The following LRIT3 variants were observed in gnomAD, a reference collection of about 807,000 sequenced individuals.
LRIT3 encodes the protein leucine-rich repeat, immunoglobulin-like domain and transmembrane domain-containing protein 3.
LRIT3 carries 14 observed loss-of-function variants against 22.6 expected under a neutral mutation model. That is an observed-to-expected ratio of 0.62 (90% CI 0.41 to 0.97). The LOEUF (loss-of-function observed/expected upper bound fraction) is 0.97. Ranked by LOEUF, LRIT3 falls within the 50% of genes least tolerant of loss-of-function variation. The pLI is 0.00. For synonymous variants in LRIT3, 306 were observed against 304.5 expected (o/e 1.01, Z -0.05); for missense variants, 783 against 803.0 (o/e 0.98, Z 0.30).
chr4:109,850,422 C>CT lies in LRIT3; in HGVS notation c.117-1082_117-1081insT, dbSNP rs1553922077. ...TCCTTCCTTCCTTCCTTCCTTCCTT[C>CT]CTTTCTTTCTTTCTTTCTTTCTTTC... is the stretch of plus-strand genomic sequence containing the variant. On this transcript the variant is annotated intron_variant, in intron 1 of 3. Coordinates refer to ENST00000594814, the MANE Select transcript of LRIT3 (RefSeq NM_198506.5). Among the ~76,000 whole-genome samples, 26 of 55,110 alleles carry CT rather than the reference C, an allele frequency of 4.7e-4. 1 individual carries two copies. The highest frequency in any genetic ancestry group is 7.3e-4 in the South Asian group (1 of 1,364). 36.2% of individuals were successfully genotyped at this position (55,110 alleles called of 152,430 possible).
At chr4:109,857,859 T>G (rs908764527) in intron 2 of LRIT3, among the ~76,000 whole-genome samples, 5 of 152,224 alleles carry the variant, frequency 3.3e-5, no homozygotes, top group Admixed American at 6.5e-5. Flanking sequence ...ACACAGGTCC[T>G]AAAGGCTTAT....
At chr4:109,854,898 G>A (rs1399372354) in intron 2 of LRIT3, among the ~76,000 whole-genome samples, 1 of 152,140 alleles carries the variant, frequency 6.6e-6, no homozygotes, top group African/African-American at 2.4e-5. Flanking sequence ...TGTTGAACAA[G>A]CGTTGCATCC....
Position 109,851,982 on chromosome 4 carries a change from C to T in LRIT3, c.589+6C>T, listed in dbSNP as rs1304339259. On this transcript the variant is annotated splice_donor_region_variant and intron_variant, in intron 2 of 3. Coordinates refer to ENST00000594814, the MANE Select transcript of LRIT3 (RefSeq NM_198506.5). ...CCCAAGCAGGATTATTCTTGGTAAG[C>T]TCGCAAGCCTCTGGGCTTTTCATCT... The T allele has an allele frequency of 1.3e-6, 2 of 1,527,836 alleles. No individual in the cohort carries two copies. Among genetic ancestry groups the T allele is most frequent in the East Asian group, 2.5e-5 (1 of 40,736 alleles). The allele number at this position is 1,527,836 out of a possible 1,614,324, so 94.6% of individuals were successfully genotyped here.
intron 2 of LRIT3, among the ~76,000 whole-genome samples, chr4:109,857,810 A>G (rs1288045958): frequency 6.6e-6 from 1 of 152,204 alleles, no homozygotes; most frequent in Non-Finnish European, 1.5e-5. Context: ...CAATCCTTCC[A>G]TATTAATTTG....
In LRIT3 at chr4:109,871,013, G is replaced by C. The variant is rs1224281590; in HGVS notation, c.*224G>C. 2.5e-6 allele frequency: 1 copy of C among 399,680 alleles called. No homozygotes were observed. Among genetic ancestry groups the C allele is most frequent in the East Asian group, 3.8e-5 (1 of 26,662 alleles). The allele number at this position is 399,680 out of a possible 1,614,324, so 24.8% of individuals were successfully genotyped here. A position where few individuals can be genotyped will look rare whatever the true frequency, so the allele number is the denominator to read the frequency against. On this transcript the variant is annotated 3_prime_UTR_variant, in exon 4 of 4. Transcript: ENST00000594814. Reference sequence around the variant, plus strand: ...AAAAGGTCTACAGAAATAATTTTTAGAGTGGTGCTTAATAAATTATTAATA... The same window carrying C: ...AAAAGGTCTACAGAAATAATTTTTACAGTGGTGCTTAATAAATTATTAATA...
intron 1 of LRIT3, among the ~76,000 whole-genome samples, chr4:109,851,173 C>T (rs1734245304): frequency 6.6e-6 from 1 of 152,148 alleles, no homozygotes; most frequent in Non-Finnish European, 1.5e-5. Context: ...AGGTTGTTGA[C>T]AGTAGCAGCA....
intron 1 of LRIT3, among the ~76,000 whole-genome samples, chr4:109,850,415 C>CCTCT (rs1734200111): frequency 5.6e-5 from 1 of 17,712 alleles, no homozygotes; most frequent in African/African-American, 2.0e-4. Flanking sequence ...TCCTTCCTTC[C>CCTCT]TTCCTTCCTT....
Position 109,870,873 on chromosome 4 carries a change from G to C in LRIT3, c.*84G>C. ...CCTAGGTTTGGATGACTTTTGGACAGACTTTCACATTGTACATGAAAATCA... is the reference window on the plus strand; with the variant it reads ...CCTAGGTTTGGATGACTTTTGGACACACTTTCACATTGTACATGAAAATCA... On this transcript the variant is annotated 3_prime_UTR_variant, in exon 4 of 4. Transcript: ENST00000594814. 1.5e-6 allele frequency: 2 copies of C among 1,362,462 alleles called. No homozygotes were observed. Among genetic ancestry groups the C allele is most frequent in the Non-Finnish European group, 2.0e-6 (2 of 1,011,226 alleles). The allele number at this position is 1,362,462 out of a possible 1,614,324, so 84.4% of individuals were successfully genotyped here.
rs542235762 is a variant in LRIT3 at position 109,869,670 on chromosome 4, A to T, written c.921A>T (p.Gly307=). 1.1e-5 allele frequency: 17 copies of T among 1,559,986 alleles called. No individual in the cohort carries two copies. The highest frequency in any genetic ancestry group is 1.5e-5 in the Non-Finnish European group (17 of 1,152,662). ...YTVIQESPEE[G]VRWSIMSLTG... Reference sequence around the variant, plus strand: ...TAATACAAGAATCTCCAGAGGAAGGAGTCAGATGGTCCATAATGAGCTTGA... The same window carrying T: ...TAATACAAGAATCTCCAGAGGAAGGTGTCAGATGGTCCATAATGAGCTTGA... The change falls in exon 4 of 4, where the codon GGA becomes GGT. Residue 307 remains glycine, a synonymous_variant. Transcript: ENST00000594814.
intron 1 of LRIT3, among the ~76,000 whole-genome samples, chr4:109,849,565 C>T (rs1026189702): frequency 5.9e-5 from 9 of 152,162 alleles, no homozygotes; most frequent in Admixed American, 3.3e-4. Context: ...GATCTTTTAG[C>T]GTACAAACTA....
intron 3 of LRIT3, among the ~76,000 whole-genome samples, chr4:109,868,478 G>A (rs1190309222): frequency 6.6e-6 from 1 of 150,562 alleles, no homozygotes. Flanking sequence ...GGCTGAGGCA[G>A]GAGAATTGCT....
At chr4:109,864,642 A>G (rs1734634742) in intron 2 of LRIT3, among the ~76,000 whole-genome samples, 1 of 152,226 alleles carries the variant, frequency 6.6e-6, no homozygotes, top group Non-Finnish European at 1.5e-5. Context: ...AGTTCTTTAT[A>G]ATAACATTTA....
intron 2 of LRIT3, chr4:109,865,154 A>G (rs1734645454): frequency 1.4e-6 from 2 of 1,464,048 alleles, no homozygotes; most frequent in African/African-American, 2.8e-5. Context: ...AAGCTCTAGC[A>G]TTTATCTAGT....
chr4:109,848,480 A>T (rs1734130961), intron 1 of LRIT3, among the ~76,000 whole-genome samples, 163 bp downstream of exon 1: 1 of 151,864 alleles, frequency 6.6e-6, no homozygotes, highest in Non-Finnish European at 1.5e-5. Context: ...CTGGTCACCT[A>T]CTCCTTCACT....
rs1279062751 is a variant in LRIT3 at position 109,865,165 on chromosome 4, C to G, written c.590-2476C>G. 6 of 1,455,656 alleles carry G rather than the reference C, an allele frequency of 4.1e-6. No individual in the cohort carries two copies. The Admixed American group carries it at 1.2e-4, about 30-fold the overall frequency. The allele number at this position is 1,455,656 out of a possible 1,614,324, so 90.2% of individuals were successfully genotyped here. ...TAAAAAGCTCTAGCATTTATCTAGT[C>G]AACTCTCCCATTTTGCCGATGAGAA... On this transcript the variant is annotated intron_variant, in intron 2 of 3. Transcript: ENST00000594814.
chr4:109,863,219 A>G lies in LRIT3; in HGVS notation c.590-4422A>G, dbSNP rs578166160. On this transcript the variant is annotated intron_variant, in intron 2 of 3. Coordinates refer to ENST00000594814, the MANE Select transcript of LRIT3 (RefSeq NM_198506.5). ...AATAATACCAGATTCCAGAGGTGGTAGAAGGCATAACATGGCGGTTAAGAG... is the reference window on the plus strand; with the variant it reads ...AATAATACCAGATTCCAGAGGTGGTGGAAGGCATAACATGGCGGTTAAGAG... Among the ~76,000 whole-genome samples, 63 of 152,284 alleles carry G rather than the reference A, an allele frequency of 4.1e-4. 1 individual carries two copies. In the South Asian group the frequency reaches 0.013, roughly 31 times the overall value.
In LRIT3 at chr4:109,872,300, A is replaced by T. The variant is rs1000616683; in HGVS notation, c.*1511A>T. On this transcript the variant is annotated 3_prime_UTR_variant, in exon 4 of 4. Coordinates refer to ENST00000594814, the MANE Select transcript of LRIT3 (RefSeq NM_198506.5). ...GTCTTGTAAGAGCACTGCTGGAATA[A>T]ACTACTTGAGCATTAGATGGTGTCT... 3 of 152,212 alleles carry T rather than the reference A, an allele frequency of 2.0e-5. No homozygotes were observed. Among genetic ancestry groups the T allele is most frequent in the African/African-American group, 2.4e-5 (1 of 41,466 alleles). 9.4% of individuals were successfully genotyped at this position (152,212 alleles called of 1,614,324 possible).
Position 109,858,167 on chromosome 4 carries a change from C to T in LRIT3, c.589+6191C>T, listed in dbSNP as rs991609760. Among the ~76,000 whole-genome samples the T allele has an allele frequency of 5.3e-5, 8 of 152,264 alleles. No individual in the cohort carries two copies. The South Asian group carries it at 8.3e-4, about 16-fold the overall frequency. On this transcript the variant is annotated intron_variant, in intron 2 of 3. Coordinates refer to ENST00000594814, the MANE Select transcript of LRIT3 (RefSeq NM_198506.5). ...TCATTAACATAGACCTCAGTAGGAG[C>T]GTCCATCCATGTCATGGCTCGAATA...
At chr4:109,849,197 G>A (rs1021903973) in intron 1 of LRIT3, among the ~76,000 whole-genome samples, 12 of 152,122 alleles carry the variant, frequency 7.9e-5, no homozygotes, top group Non-Finnish European at 1.5e-4. Context: ...AGCTTATCTT[G>A]TTATTGTATA....
Sources: gnomAD v4.1 joint callset for allele counts (sites outside exome capture counted in the v4.1 genomes callset) on GRCh38, gnomAD v4.1.1 for gene constraint, MANE v1.5 for transcripts, NCBI Gene and HGNC (gene_info 2026-07-23, HGNC 2026-07-21) for gene names.